NELL2: variants seen among roughly 807,000 people sequenced by gnomAD.
NELL2 encodes protein kinase C-binding protein NELL2.
NELL2 carries 41 observed loss-of-function variants against 109.6 expected under a neutral mutation model. The observed-to-expected ratio is 0.37, with a 90% CI of 0.29 to 0.49. NELL2 has a LOEUF of 0.49. Among genes scored for constraint, NELL2 ranks in the 20% least tolerant of loss-of-function variants. The pLI, the probability that NELL2 is intolerant of heterozygous loss-of-function variation, is 0.98. For missense variants in NELL2, 900 were observed against 1,008.3 expected (o/e 0.89, Z 1.45); for synonymous variants, 355 against 344.7 (o/e 1.03, Z -0.33).
intron 15 of NELL2, among the ~76,000 whole-genome samples, chr12:44,582,828 C>A (rs1244317317): frequency 6.6e-6 from 1 of 151,898 alleles, no homozygotes; most frequent in Non-Finnish European, 1.5e-5. Flanking sequence ...TAAGGCCCAA[C>A]AGGAGGTGAT....
At chr12:44,809,317 G>A (rs1212800678) in intron 3 of NELL2, among the ~76,000 whole-genome samples, 1 of 151,716 alleles carries the variant, frequency 6.6e-6, no homozygotes, top group Non-Finnish European at 1.5e-5. Context: ...TTTCTCTTCT[G>A]TTTCCTGTAT....
intron 12 of NELL2, among the ~76,000 whole-genome samples, chr12:44,670,746 A>T (rs1362405125): frequency 4.8e-4 from 73 of 152,150 alleles, no homozygotes; most frequent in Middle Eastern, 3.4e-3. Context: ...TTCAGTAGGA[A>T]GATACAACAA....
intron 13 of NELL2, among the ~76,000 whole-genome samples, chr12:44,636,981 G>A (rs1810866228): frequency 6.6e-6 from 1 of 152,074 alleles, no homozygotes; most frequent in Admixed American, 6.6e-5. Flanking sequence ...TTAGTGTTGG[G>A]AGGGTGTATG....
chr12:44,718,955 G>C (rs1311894023), intron 9 of NELL2, among the ~76,000 whole-genome samples: 1 of 152,102 alleles, frequency 6.6e-6, no homozygotes, highest in African/African-American at 2.4e-5. Context: ...GTTATAAGTG[G>C]AGACATTAAC....
At chr12:44,839,957 T>C (rs1031573675) in intron 2 of NELL2, among the ~76,000 whole-genome samples, 1 of 152,186 alleles carries the variant, frequency 6.6e-6, no homozygotes, top group Non-Finnish European at 1.5e-5. Context: ...CAGAATTCAT[T>C]GTTATCTAAT....
chr12:44,545,215 T>C (rs1168445204), intron 15 of NELL2, among the ~76,000 whole-genome samples: 4 of 152,098 alleles, frequency 2.6e-5, no homozygotes, highest in Admixed American at 1.3e-4. Flanking sequence ...TTAAGACTTT[T>C]CAAAAATCTT....
upstream of NELL2, among the ~76,000 whole-genome samples, chr12:44,877,655 A>T (rs756116466): frequency 3.9e-5 from 6 of 152,152 alleles, no homozygotes; most frequent in Non-Finnish European, 8.8e-5. Flanking sequence ...AGTGGAATAC[A>T]TATACTATAT....
At chr12:44,649,166 A>T (rs1947213277) in intron 13 of NELL2, among the ~76,000 whole-genome samples, 1 of 151,800 alleles carries the variant, frequency 6.6e-6, no homozygotes, top group South Asian at 2.1e-4. Context: ...AGAAAGGACA[A>T]TGTAGATCCT....
At chr12:44,743,949 C>G (rs569825647) in intron 9 of NELL2, among the ~76,000 whole-genome samples, 190 of 152,212 alleles carry the variant, frequency 1.2e-3, no homozygotes, top group Admixed American at 2.2e-3. Context: ...ACCAAGCGGA[C>G]CTAATAGACA....
At position 44,859,283 on chromosome 12, in the gene NELL2, TG is replaced by T. The variant is rs1171550875; in HGVS notation, c.184+15941del. On this transcript the variant is annotated intron_variant, in intron 2 of 19. Coordinates refer to ENST00000429094, the MANE Select transcript of NELL2 (RefSeq NM_001145108.2). ...AAGGCTGGGTGCAGTGGCTCACGCC[TG>T]TAATTCCAGCACTTTACAAGGCCGA... 6.6e-5 allele frequency among the ~76,000 whole-genome samples: 10 copies of T among 152,354 alleles called. No individual in the cohort carries two copies. In the East Asian group the frequency reaches 1.9e-3, roughly 29 times the overall value.
intron 9 of NELL2, among the ~76,000 whole-genome samples, chr12:44,770,311 G>A (rs7297454): frequency 0.23 from 34,684 of 152,000 alleles, 4,178 homozygotes; most frequent in African/African-American, 0.27. Flanking sequence ...TACCTATTCA[G>A]TGCTTACACA....
At chr12:44,606,600 GT>G in intron 15 of NELL2, among the ~76,000 whole-genome samples, 1 of 152,154 alleles carries the variant, frequency 6.6e-6, no homozygotes, top group South Asian at 2.1e-4. Context: ...ACTATATATT[GT>G]TTTTAAAATA....
chr12:44,587,931 C>T (rs993157784), intron 15 of NELL2, among the ~76,000 whole-genome samples: 7 of 152,092 alleles, frequency 4.6e-5, no homozygotes, highest in Non-Finnish European at 7.4e-5. Flanking sequence ...GCGGGCGGAT[C>T]ACGAGGTCAG....
At chr12:44,650,058 G>C (rs924436194) in intron 13 of NELL2, among the ~76,000 whole-genome samples, 5 of 152,248 alleles carry the variant, frequency 3.3e-5, no homozygotes, top group African/African-American at 9.6e-5. Flanking sequence ...CACTCCTCTC[G>C]CAAAGGAGTT....
intron 1 of NELL2, among the ~76,000 whole-genome samples, chr12:44,884,316 A>C (rs2136862244): frequency 6.6e-6 from 1 of 152,022 alleles, no homozygotes; most frequent in Non-Finnish European, 1.5e-5. Context: ...GCAAAGCATC[A>C]AAATGTATGA....
At chr12:44,566,963 C>T (rs887246055) in intron 15 of NELL2, among the ~76,000 whole-genome samples, 1 of 152,016 alleles carries the variant, frequency 6.6e-6, no homozygotes, top group East Asian at 1.9e-4. Flanking sequence ...AAACGTGCAC[C>T]ACCAGGCCCG....
intron 13 of NELL2, among the ~76,000 whole-genome samples, chr12:44,631,111 T>C (rs1458158432): frequency 1.3e-5 from 2 of 151,864 alleles, no homozygotes; most frequent in Non-Finnish European, 2.9e-5. Flanking sequence ...CTTCTTTTGA[T>C]TGCTCTTATT....
chr12:44,879,685 G>A (rs1033925633), upstream of NELL2, among the ~76,000 whole-genome samples: 2 of 151,962 alleles, frequency 1.3e-5, no homozygotes, highest in Non-Finnish European at 2.9e-5. Context: ...ACAAATTTTG[G>A]AAGCCAGAAA....
intron 13 of NELL2, among the ~76,000 whole-genome samples, chr12:44,633,296 C>G (rs1174589444): frequency 6.6e-6 from 1 of 151,936 alleles, no homozygotes; most frequent in East Asian, 1.9e-4. Flanking sequence ...TTACAAGAGG[C>G]AAATAAGTGG....
Sources: gnomAD v4.1 joint callset for allele counts (sites outside exome capture counted in the v4.1 genomes callset) on GRCh38, gnomAD v4.1.1 for gene constraint, MANE v1.5 for transcripts, NCBI Gene and HGNC (gene_info 2026-07-23, HGNC 2026-07-21) for gene names.